RNF34: variants seen among roughly 807,000 people sequenced by gnomAD.
The protein encoded by RNF34 is ring finger protein 34.
Under a neutral mutation model 37.9 loss-of-function variants are expected in RNF34, and 12 were observed. The ratio of observed to expected loss-of-function variants is 0.32; its 90% confidence interval spans 0.20 to 0.51. The LOEUF (loss-of-function observed/expected upper bound fraction) is 0.51, where lower values mean the gene tolerates loss of function less well. Among genes scored for constraint, RNF34 ranks in the 20% least tolerant of loss-of-function variants. RNF34 has a pLI of 0.97. For synonymous variants in RNF34, 155 were observed against 177.2 expected, an observed-to-expected ratio of 0.87 and a Z score of 1.00; for missense variants, 362 against 472.7, an observed-to-expected ratio of 0.77 and a Z score of 2.17.
chr12:121,405,363 C>T (rs1369996739), intron 1 of RNF34, among the ~76,000 whole-genome samples: 3 of 152,086 alleles, frequency 2.0e-5, no homozygotes, highest in Non-Finnish European at 4.4e-5. Flanking sequence ...CTCCACTCAA[C>T]TAGCTGGTAA....
chr12:121,423,719 A>C lies in RNF34; in HGVS notation c.*143A>C. The C allele has an allele frequency of 1.4e-6, 1 of 737,584 alleles. No homozygotes were observed. The highest frequency in any genetic ancestry group is 2.2e-6 in the Non-Finnish European group (1 of 462,144). The allele number at this position is 737,584 out of a possible 1,614,324, so 45.7% of individuals were successfully genotyped here. On this transcript the variant is annotated 3_prime_UTR_variant, in exon 6 of 6. Transcript: ENST00000361234. The surrounding 1 kb of genome is among the most constrained non-coding windows in gnomAD (Gnocchi z 4.3). The stretch of plus-strand genomic sequence containing the variant: ...CTACTAAGTGGGGACAGAAAGATCC[A>C]TCCTGAGTTGTGGAAACATTGGTCC...
At position 121,412,726 on chromosome 12, in the gene RNF34, T is replaced by C; in HGVS notation, c.7-3433T>C. 1.4e-5 allele frequency among the ~76,000 whole-genome samples: 2 copies of C among 143,860 alleles called. 1 individual carries two copies. Among genetic ancestry groups the C allele is most frequent in the Non-Finnish European group, 3.1e-5 (2 of 65,094 alleles). The allele number at this position is 143,860 out of a possible 152,430, so 94.4% of individuals were successfully genotyped here. ...CTTAGTGAATCTAGATGTTCATGCTTTTTTTTTTTTTTTTTTGAGATGGAG... is the reference window on the plus strand; with the variant it reads ...CTTAGTGAATCTAGATGTTCATGCTCTTTTTTTTTTTTTTTTGAGATGGAG... On this transcript the variant is annotated intron_variant, in intron 1 of 5. Transcript: ENST00000361234.
intron 1 of RNF34, 82 bp downstream of exon 1, chr12:121,400,300 C>T: frequency 2.0e-6 from 3 of 1,509,988 alleles, no homozygotes; most frequent in South Asian, 1.2e-5. Context: ...TTTCTTTCCG[C>T]CTTAGCGGTT....
At chr12:121,416,116 A>G in intron 1 of RNF34, 43 bp from the exon 2 acceptor site, 2 of 1,541,500 alleles carry the variant, frequency 1.3e-6, no homozygotes, top group South Asian at 2.2e-5. Flanking sequence ...GAGAGCCCAG[A>G]TTCCACTTAG....
intron 1 of RNF34, 86 bp downstream of exon 1, chr12:121,400,304 AG>A: frequency 1.3e-6 from 2 of 1,487,306 alleles, no homozygotes; most frequent in Non-Finnish European, 1.8e-6. Context: ...TTTCCGCCTT[AG>A]CGGTTACCTA....
intron 1 of RNF34, among the ~76,000 whole-genome samples, chr12:121,411,536 A>T (rs1202625255): frequency 6.6e-6 from 1 of 152,244 alleles, no homozygotes. Context: ...TATCCCTGAT[A>T]CAAAGGTCAT....
At chr12:121,403,224 G>C (rs368018624) in intron 1 of RNF34, among the ~76,000 whole-genome samples, 2 of 152,152 alleles carry the variant, frequency 1.3e-5, no homozygotes, top group African/African-American at 4.8e-5. Context: ...GTGAAACCCT[G>C]TCTCTACTAA....
chr12:121,405,679 T>C (rs1196569109), intron 1 of RNF34, among the ~76,000 whole-genome samples: 5 of 152,178 alleles, frequency 3.3e-5, no homozygotes, highest in Non-Finnish European at 5.9e-5. Context: ...AGACGGGGTT[T>C]CACCATGTTG....
intron 1 of RNF34, chr12:121,402,837 T>C: frequency 1.3e-6 from 2 of 1,501,638 alleles, no homozygotes; most frequent in South Asian, 2.3e-5. Flanking sequence ...CACATGTTAT[T>C]GTAATAATCG....
At chr12:121,405,511 T>G (rs1435347534) in intron 1 of RNF34, among the ~76,000 whole-genome samples, 1 of 152,166 alleles carries the variant, frequency 6.6e-6, no homozygotes, top group Non-Finnish European at 1.5e-5. Flanking sequence ...TGAGACAGGG[T>G]CTTGCTCTGT....
In RNF34 at chr12:121,413,722, C is replaced by T. The variant is rs558564784; in HGVS notation, c.7-2437C>T. 1.6e-4 allele frequency among the ~76,000 whole-genome samples: 25 copies of T among 151,924 alleles called. 1 individual carries two copies. The South Asian group carries it at 4.6e-3, about 28-fold the overall frequency. On this transcript the variant is annotated intron_variant, in intron 1 of 5. Coordinates refer to ENST00000361234, the MANE Select transcript of RNF34 (RefSeq NM_025126.4). ...CCTCCCGAGTAGCTGGGACTACAGG[C>T]CCCACCAGCATGCCCAGCTAATTTT... is the stretch of plus-strand genomic sequence containing the variant.
At chr12:121,400,469 G>T (rs1385250761) in intron 1 of RNF34, among the ~76,000 whole-genome samples, 7 of 152,328 alleles carry the variant, frequency 4.6e-5, no homozygotes, top group African/African-American at 1.7e-4. Context: ...CGTCCCTAGC[G>T]TTCGCGCCGG....
chr12:121,414,323 A>G (rs547962647), intron 1 of RNF34, among the ~76,000 whole-genome samples: 28 of 152,386 alleles, frequency 1.8e-4, no homozygotes, highest in African/African-American at 5.8e-4. Flanking sequence ...GCAAAAGCCT[A>G]TTCGTTCTAA....
At chr12:121,402,823 A>G (rs370193799) in intron 1 of RNF34, 13 of 1,542,478 alleles carry the variant, frequency 8.4e-6, no homozygotes, top group African/African-American at 1.4e-5. Context: ...ATTTGTATCT[A>G]TAGCACATGT....
At chr12:121,408,050 A>T (rs1022216073) in intron 1 of RNF34, among the ~76,000 whole-genome samples, 1 of 152,198 alleles carries the variant, frequency 6.6e-6, no homozygotes, top group Non-Finnish European at 1.5e-5. Context: ...TCATGCCTGT[A>T]ATCCCAGTGA....
intron 3 of RNF34, among the ~76,000 whole-genome samples, chr12:121,418,911 T>C (rs542914194): frequency 8.5e-5 from 13 of 152,332 alleles, no homozygotes; most frequent in Admixed American, 6.5e-4. Context: ...TTCACCATGT[T>C]GGTCAGGCTG....
intron 1 of RNF34, among the ~76,000 whole-genome samples, chr12:121,413,023 T>A (rs527937942): frequency 1.1e-4 from 16 of 151,154 alleles, no homozygotes; most frequent in Middle Eastern, 3.4e-3. Flanking sequence ...CCAGGCTATT[T>A]TTTTTTTCCT....
At chr12:121,413,415 C>CTTTTTTTTTTTTTT (rs573738844) in intron 1 of RNF34, among the ~76,000 whole-genome samples, 7 of 130,692 alleles carry the variant, frequency 5.4e-5, no homozygotes, top group African/African-American at 1.6e-4. Flanking sequence ...TTTACCTGTC[C>CTTTTTTTTTTTTTT]TTTTTTTTTT....
At chr12:121,402,621 T>C (rs1184527741) in intron 1 of RNF34, 10 of 566,076 alleles carry the variant, frequency 1.8e-5, no homozygotes, top group Non-Finnish European at 3.1e-5. Flanking sequence ...CCATTTTTCC[T>C]TATTTATATT....
Sources: allele counts gnomAD v4.1 joint callset (sites outside exome capture counted in the v4.1 genomes callset), GRCh38; gene constraint gnomAD v4.1.1; non-coding constraint Gnocchi (gnomAD v3.1); transcripts MANE v1.5; gene names NCBI Gene and HGNC (gene_info 2026-07-23, HGNC 2026-07-21).